STARD9: variants seen among roughly 807,000 people sequenced by gnomAD.
The protein encoded by STARD9 is StAR related lipid transfer domain containing 9, also known as stAR-related lipid transfer protein 9.
A neutral mutation model predicts 399.8 loss-of-function variants in STARD9; 346 were observed. That is an observed-to-expected ratio of 0.87 (90% CI 0.79 to 0.95). STARD9 has a LOEUF of 0.95. Ranked by LOEUF, STARD9 falls within the 40% of genes least tolerant of loss-of-function variation. STARD9 has a pLI of 0.00. For synonymous variants in STARD9, 2,203 were observed against 2,143.5 expected (o/e 1.03, Z -0.77); for missense variants, 5,832 against 5,667.5 (o/e 1.03, Z -0.93).
chr15:42,635,060 C>A, intron 4 of STARD9, 88 bp downstream of exon 4: 1 of 620,670 alleles, frequency 1.6e-6, no homozygotes, highest in Non-Finnish European at 2.6e-6. Flanking sequence ...AATATGATTT[C>A]TGTAGGCAGT....
At chr15:42,712,060 C>CTT (rs2061233966) in intron 26 of STARD9, among the ~76,000 whole-genome samples, 18 of 9,846 alleles carry the variant, frequency 1.8e-3, no homozygotes, top group African/African-American at 0.012. Flanking sequence ...TGTTGAGCAT[C>CTT]TTTTTATATA....
rs541072467 is a variant in STARD9, at chr15:42,590,882, T to C, written c.234+5245T>C. On this transcript the variant is annotated intron_variant, in intron 3 of 32. Transcript: ENST00000290607. ...GGGACCAGGCCATTCATGAGGGATC[T>C]GTCCCCATGACCCAAACACTTCTCA... is the stretch of plus-strand genomic sequence containing the variant. 8.5e-5 allele frequency among the ~76,000 whole-genome samples: 13 copies of C among 152,312 alleles called. No individual in the cohort carries two copies. The South Asian group carries it at 2.7e-3, about 32-fold the overall frequency.
chr15:42,683,581 C>T (rs1191447593), intron 22 of STARD9, among the ~76,000 whole-genome samples: 1 of 152,154 alleles, frequency 6.6e-6, no homozygotes, highest in East Asian at 1.9e-4. Context: ...AAACTATTTA[C>T]AGTTTTCTTT....
intron 3 of STARD9, among the ~76,000 whole-genome samples, chr15:42,631,616 T>C (rs1008375386): frequency 6.6e-6 from 1 of 152,038 alleles, no homozygotes; most frequent in Non-Finnish European, 1.5e-5. Context: ...TTTCTTCTTA[T>C]TTTGTTCAGT....
In STARD9 at chr15:42,695,861, T is replaced by C. The variant is rs1164657503; in HGVS notation, c.13265T>C (p.Leu4422Pro). The C allele has an allele frequency of 6.5e-7, 1 of 1,537,142 alleles. No homozygotes were observed. The highest frequency in any genetic ancestry group is 8.7e-7 in the Non-Finnish European group (1 of 1,146,830). ...YNSSPALSGQ[L>P]QFPENMGHTN... ...AGCAGCCCAGCCTTGTCAGGCCAGC[T>C]CCAGTTCCCAGAGAATATGGTGAGT... Residue 4422 changes from leucine (L) to proline (P), a missense_variant, in exon 26 of 33, where the codon CTC becomes CCC. Coordinates refer to ENST00000290607, the MANE Select transcript of STARD9 (RefSeq NM_020759.3).
In STARD9 at chr15:42,693,807, T is replaced by C; in HGVS notation, c.12229T>C (p.Ser4077Pro). 1.3e-6 allele frequency: 2 copies of C among 1,536,310 alleles called. No individual in the cohort carries two copies. Among genetic ancestry groups the C allele is most frequent in the African/African-American group, 1.4e-5 (1 of 73,152 alleles). Residue 4077 changes from serine (S) to proline (P), a missense_variant, in exon 23 of 33, where the codon TCT (serine) becomes CCT (proline). This residue lies in a region of STARD9 where 5,828 missense variants were observed against 5,651.1 expected (regional missense o/e 1.03). Transcript: ENST00000290607. ...ACCACAACGCACTCTGGACCGACCT[T>C]CTTCATGGGGAGGCCTCCAGCACCT... The part of the protein sequence containing the change: ...GEPQRTLDRP[S>P]SWGGLQHLSP...
chr15:42,691,965 T>C lies in STARD9; in HGVS notation c.10387T>C (p.Ser3463Pro). Residue 3463 changes from serine to proline, a missense_variant, in exon 23 of 33, where the codon TCC becomes CCC. Around this residue, in one of 2 missense-constraint regions of STARD9, gnomAD observed 5,828 missense variants for 5,651.1 expected, o/e 1.03. Coordinates refer to ENST00000290607, the MANE Select transcript of STARD9 (RefSeq NM_020759.3). ...QMDKGMLHFG[S>P]SDISPYALPW... ...GGACAAAGGAATGCTGCACTTTGGC[T>C]CCAGTGACATCAGTCCCTATGCGCT... 1.3e-6 allele frequency: 2 copies of C among 1,537,220 alleles called. No homozygotes were observed. The highest frequency in any genetic ancestry group is 1.7e-6 in the Non-Finnish European group (2 of 1,146,900).
At chr15:42,695,377 T>C (rs2060820820) in intron 25 of STARD9, 54 bp downstream of exon 25, 3 of 1,445,150 alleles carry the variant, frequency 2.1e-6, no homozygotes, top group Non-Finnish European at 2.8e-6. Flanking sequence ...CTCAGACTGG[T>C]ACACCTTCAC....
chr15:42,711,164 G>C (rs1434445787), intron 26 of STARD9, among the ~76,000 whole-genome samples: 1 of 145,666 alleles, frequency 6.9e-6, no homozygotes, highest in Non-Finnish European at 1.5e-5. Context: ...TTTGGAGACA[G>C]AGTCTTGCTC....
intron 13 of STARD9, 66 bp downstream of exon 13, chr15:42,663,983 CT>C: frequency 2.7e-6 from 3 of 1,098,472 alleles, no homozygotes; most frequent in Non-Finnish European, 4.0e-6. Flanking sequence ...TTTTTTTTCT[CT>C]CGTGATTTCT....
chr15:42,607,657 C>CACACAG (rs2058761928), intron 3 of STARD9, among the ~76,000 whole-genome samples: 1 of 142,628 alleles, frequency 7.0e-6, no homozygotes. Context: ...CTTATACACA[C>CACACAG]ACACACACAC....
At chr15:42,645,757 G>A (rs1377242396) in intron 7 of STARD9, among the ~76,000 whole-genome samples, 4 of 152,030 alleles carry the variant, frequency 2.6e-5, no homozygotes. Context: ...GCCCAGGCTG[G>A]TCTTGAACTT....
intron 3 of STARD9, among the ~76,000 whole-genome samples, chr15:42,592,878 A>T (rs901490896): frequency 2.6e-5 from 4 of 152,180 alleles, no homozygotes; most frequent in African/African-American, 9.7e-5. Context: ...TATTAAAGTC[A>T]ATTTGCTTCT....
intron 3 of STARD9, among the ~76,000 whole-genome samples, chr15:42,623,883 C>T (rs868128979): frequency 4.6e-5 from 7 of 152,194 alleles, no homozygotes; most frequent in Admixed American, 2.0e-4. Context: ...GAAAAATCTG[C>T]AATTTATCAG....
At chr15:42,669,686 C>T (rs750164080) in intron 16 of STARD9, 1 of 184,564 alleles carries the variant, frequency 5.4e-6, no homozygotes, top group East Asian at 1.2e-4. Flanking sequence ...GGGGTATAGT[C>T]ATGGAGAGTG....
Position 42,707,468 on chromosome 15 carries a change from C to CT in STARD9, c.13285-9190dup, listed in dbSNP as rs544507849. 7.5e-3 allele frequency among the ~76,000 whole-genome samples: 1,005 copies of CT among 134,644 alleles called. 6 individuals are homozygous for CT. The highest frequency in any genetic ancestry group is 0.015 in the African/African-American group (519 of 35,094). The allele number at this position is 134,644 out of a possible 152,430, so 88.3% of individuals were successfully genotyped here. A position where few individuals can be genotyped will look rare whatever the true frequency, so the allele number is the denominator to read the frequency against. On this transcript the variant is annotated intron_variant, in intron 26 of 32. Transcript: ENST00000290607. ...CCTAGGCAGAATACTGAGTGAAAAACTTTTTTTTTTTTTTTTTTTGAGACA... is the reference window on the plus strand; with the variant it reads ...CCTAGGCAGAATACTGAGTGAAAAACTTTTTTTTTTTTTTTTTTTTGAGACA...
intron 27 of STARD9, 78 bp downstream of exon 27, chr15:42,716,842 G>C (rs2061359900): frequency 6.6e-7 from 1 of 1,525,140 alleles, no homozygotes; most frequent in East Asian, 2.4e-5. Context: ...AGATCTTAGT[G>C]AGTCACTGGT....
rs112267992 is a variant in STARD9 at position 42,603,342 on chromosome 15, G to A, written c.234+17705G>A. 1.7e-3 allele frequency among the ~76,000 whole-genome samples: 259 copies of A among 151,920 alleles called. 3 individuals carry two copies. Among genetic ancestry groups the A allele is most frequent in the African/African-American group, 5.4e-3 (222 of 41,434 alleles). On this transcript the variant is annotated intron_variant, in intron 3 of 32. Transcript: ENST00000290607. ...TCCCCATGCAAGCCCAGCTGGACTC[G>A]AACTCCTGACCCTGTGATCCTCTCA... is the stretch of plus-strand genomic sequence containing the variant.
rs2061442674 is a variant in STARD9 at position 42,720,994 on chromosome 15, C to A, written c.*1420C>A. 6.6e-6 allele frequency: 1 copy of A among 152,132 alleles called. No individual in the cohort carries two copies. The allele number at this position is 152,132 out of a possible 1,614,324, so 9.4% of individuals were successfully genotyped here. A position where few individuals can be genotyped will look rare whatever the true frequency, so the allele number is the denominator to read the frequency against. On this transcript the variant is annotated 3_prime_UTR_variant, in exon 33 of 33. Transcript: ENST00000290607. ...TTTAAAATTAAAAGTCCTCTGTGTA[C>A]TTTATCTAGTGAAGAGTAGATGAAA... is the stretch of plus-strand genomic sequence containing the variant.
Sources: allele counts gnomAD v4.1 joint callset (sites outside exome capture counted in the v4.1 genomes callset), GRCh38; gene constraint gnomAD v4.1.1; regional missense constraint gnomAD v4.1.1; transcripts MANE v1.5; gene names NCBI Gene and HGNC (gene_info 2026-07-23, HGNC 2026-07-21).